The following LTA4H variants were observed in gnomAD, a reference collection of about 807,000 sequenced individuals.
LTA4H encodes leukotriene A4 hydrolase.
In LTA4H, 59 loss-of-function variants were observed where a neutral mutation model predicts 89.8. The ratio of observed to expected loss-of-function variants is 0.66; its 90% confidence interval spans 0.53 to 0.82. LTA4H has a LOEUF of 0.82. LTA4H is among the 40% of genes least tolerant of loss of function. The pLI, the probability that LTA4H is intolerant of heterozygous loss-of-function variation, is 0.00. For missense variants in LTA4H, 617 were observed against 727.0 expected (o/e 0.85, Z 1.74); for synonymous variants, 227 against 253.1 (o/e 0.90, Z 0.98).
chr12:96,006,563 T>C (rs1231808541), intron 15 of LTA4H, among the ~76,000 whole-genome samples, 154 bp from the exon 16 acceptor site: 1 of 152,186 alleles, frequency 6.6e-6, no homozygotes, highest in Non-Finnish European at 1.5e-5. Context: ...TAAATAATCC[T>C]GAGATTGAGT....
At chr12:96,031,784 A>G (rs1296861856) in intron 1 of LTA4H, among the ~76,000 whole-genome samples, 1 of 152,162 alleles carries the variant, frequency 6.6e-6, no homozygotes, top group Non-Finnish European at 1.5e-5. Flanking sequence ...CTTCCTGCAA[A>G]TTATTTAATT....
upstream of LTA4H, among the ~76,000 whole-genome samples, chr12:96,035,937 G>C (rs1017488355): frequency 1.3e-5 from 2 of 152,118 alleles, no homozygotes; most frequent in African/African-American, 2.4e-5. Flanking sequence ...AAGAAAATCA[G>C]GTTCATTGGT....
upstream of LTA4H, among the ~76,000 whole-genome samples, chr12:96,038,695 G>T (rs1950667369): frequency 6.6e-6 from 1 of 150,772 alleles, no homozygotes; most frequent in African/African-American, 2.4e-5. Context: ...ATTTTTTGAG[G>T]TCACCAAATC....
chr12:96,013,404 T>A, intron 13 of LTA4H, 146 bp from the exon 14 acceptor site: 1 of 593,012 alleles, frequency 1.7e-6, no homozygotes, highest in Non-Finnish European at 3.0e-6. Context: ...ATTAATATTT[T>A]AAATTGATAG....
chr12:96,020,362 A>G (rs1307128387), intron 6 of LTA4H, among the ~76,000 whole-genome samples: 1 of 152,232 alleles, frequency 6.6e-6, no homozygotes, highest in Non-Finnish European at 1.5e-5. Context: ...CTTGAATGAA[A>G]TAAGCCAGAC....
chr12:96,016,411 G>A (rs1950376289), intron 10 of LTA4H, among the ~76,000 whole-genome samples: 3 of 151,820 alleles, frequency 2.0e-5, no homozygotes. Context: ...AGGAGTTTGA[G>A]ACCAGTCTGG....
intron 18 of LTA4H, among the ~76,000 whole-genome samples, chr12:96,001,505 C>T (rs985680499): frequency 1.3e-5 from 2 of 152,140 alleles, no homozygotes; most frequent in African/African-American, 4.8e-5. Context: ...AGAGTCCTCT[C>T]ATCTCCTGGC....
intron 4 of LTA4H, among the ~76,000 whole-genome samples, chr12:96,023,554 A>G (rs138454999): frequency 6.6e-6 from 1 of 152,252 alleles, no homozygotes; most frequent in East Asian, 1.9e-4. Flanking sequence ...CAAGTATAAT[A>G]TATCACTGCA....
chr12:96,042,165 T>C (rs1950692878), intron 1 of LTA4H, among the ~76,000 whole-genome samples: 1 of 151,522 alleles, frequency 6.6e-6, no homozygotes, highest in African/African-American at 2.4e-5. Context: ...GTATTTTTAG[T>C]TTGTTTGTTT....
chr12:96,021,000 T>C (rs1420122714), intron 6 of LTA4H, 85 bp downstream of exon 6: 2 of 1,025,484 alleles, frequency 2.0e-6, no homozygotes. Context: ...AATATGCAAA[T>C]GATTGACCAA....
At chr12:96,024,586 T>G (rs1950492190) in intron 3 of LTA4H, 39 bp from the exon 4 acceptor site, 2 of 1,275,900 alleles carry the variant, frequency 1.6e-6, no homozygotes, top group African/African-American at 1.5e-5. Context: ...GCTATTTATC[T>G]TTCGCATAAG....
intron 16 of LTA4H, among the ~76,000 whole-genome samples, chr12:96,004,932 C>A (rs756523207): frequency 1.3e-5 from 2 of 152,132 alleles, no homozygotes; most frequent in African/African-American, 2.4e-5. Flanking sequence ...ATTTATGAAA[C>A]CATGATGACC....
chr12:96,037,829 C>A (rs965112403), upstream of LTA4H, among the ~76,000 whole-genome samples: 1 of 151,626 alleles, frequency 6.6e-6, no homozygotes, highest in Non-Finnish European at 1.5e-5. Context: ...GGACTACAGG[C>A]GCCCGTCACC....
At chr12:96,038,531 C>T (rs144034527), upstream of LTA4H, among the ~76,000 whole-genome samples, 22 of 152,098 alleles carry the variant, frequency 1.4e-4, no homozygotes, top group Non-Finnish European at 2.9e-4. Context: ...AGGCGCCCGC[C>T]ACCACGCCTG....
At chr12:96,042,336 G>C (rs530739339) in intron 1 of LTA4H, among the ~76,000 whole-genome samples, 1 of 152,060 alleles carries the variant, frequency 6.6e-6, no homozygotes, top group Non-Finnish European at 1.5e-5. Flanking sequence ...CTGACTGAGT[G>C]GTTAAATTAA....
chr12:96,015,423 A>G (rs1978331), intron 11 of LTA4H, among the ~76,000 whole-genome samples, 160 bp downstream of exon 11: 75,019 of 152,034 alleles, frequency 0.49, 20,283 homozygotes, highest in African/African-American at 0.73. Context: ...AACAGTGAAC[A>G]GTGTGGATCA....
Position 96,027,425 on chromosome 12 carries a change from A to G in LTA4H, c.411+19T>C. Reference sequence around the variant, plus strand: ...GCTGAAATTTTCTGCATCAGAAATCATTCTGGAATCCTTTTTACCTGGCAC... The same window carrying G: ...GCTGAAATTTTCTGCATCAGAAATCGTTCTGGAATCCTTTTTACCTGGCAC... On this transcript the variant is annotated intron_variant, in intron 3 of 18. Transcript: ENST00000228740. 1 of 1,556,812 alleles carries G rather than the reference A, an allele frequency of 6.4e-7. No individual in the cohort carries two copies. Among genetic ancestry groups the G allele is most frequent in the South Asian group, 1.2e-5 (1 of 81,336 alleles).
intron 2 of LTA4H, 112 bp downstream of exon 2, chr12:96,028,943 C>T: frequency 5.1e-6 from 4 of 788,396 alleles, no homozygotes; most frequent in Admixed American, 3.4e-5. Flanking sequence ...AGTAGTGTAC[C>T]AATCATTACA....
Position 96,000,900 on chromosome 12 carries a change from A to G in LTA4H, c.*89T>C, listed in dbSNP as rs1460717667. ...ACAATAAAAAGCCAAAACTAAAAAG[A>G]CAGTTTTAATTGTGAGCTGAAGTTT... On this transcript the variant is annotated 3_prime_UTR_variant, in exon 19 of 19. Coordinates refer to ENST00000228740, the MANE Select transcript of LTA4H (RefSeq NM_000895.3). 1 of 927,426 alleles carries G rather than the reference A, an allele frequency of 1.1e-6. No individual in the cohort carries two copies. Among genetic ancestry groups the G allele is most frequent in the African/African-American group, 1.6e-5 (1 of 60,874 alleles). 57.4% of individuals were successfully genotyped at this position (927,426 alleles called of 1,614,324 possible). A position where few individuals can be genotyped will look rare whatever the true frequency, so the allele number is the denominator to read the frequency against.
Sources: gnomAD v4.1 joint callset for allele counts (sites outside exome capture counted in the v4.1 genomes callset) on GRCh38, gnomAD v4.1.1 for gene constraint, MANE v1.5 for transcripts, NCBI Gene and HGNC (gene_info 2026-07-23, HGNC 2026-07-21) for gene names.